Variants in FAM193A observed in about 807,000 individuals in gnomAD.
FAM193A encodes the protein family with sequence similarity 193 member A.
In FAM193A, 22 loss-of-function variants were observed where a neutral mutation model predicts 126.5. The ratio of observed to expected loss-of-function variants is 0.17; its 90% confidence interval spans 0.12 to 0.25. FAM193A has a LOEUF of 0.25. Ranked by LOEUF, FAM193A falls within the 10% of genes least tolerant of loss-of-function variation. The pLI is 1.00. For missense variants in FAM193A, 1,675 were observed against 1,672.8 expected (o/e 1.00, Z -0.02); for synonymous variants, 761 against 646.8 (o/e 1.18, Z -2.68).
intron 6 of FAM193A, 48 bp downstream of exon 6, chr4:2,639,907 C>T (rs370403432): frequency 6.3e-7 from 1 of 1,581,998 alleles, no homozygotes; most frequent in Non-Finnish European, 8.6e-7. Flanking sequence ...ACAGCACAGT[C>T]TTTTCTCCTG....
intron 19 of FAM193A, among the ~76,000 whole-genome samples, chr4:2,710,384 A>G (rs1337562173): frequency 6.6e-6 from 1 of 152,078 alleles, no homozygotes; most frequent in Non-Finnish European, 1.5e-5. Flanking sequence ...CATGTTAGCC[A>G]GGATGGTCTC....
At chr4:2,544,643 G>A (rs1166596320) in intron 1 of FAM193A, among the ~76,000 whole-genome samples, 3 of 152,092 alleles carry the variant, frequency 2.0e-5, no homozygotes, top group Non-Finnish European at 2.9e-5. Context: ...GGCAGAGGTT[G>A]CAGTGAGCCC....
chr4:2,702,077 G>A (rs1717798646), intron 19 of FAM193A, among the ~76,000 whole-genome samples: 1 of 152,046 alleles, frequency 6.6e-6, no homozygotes, highest in South Asian at 2.1e-4. Context: ...TGGCCCAAAT[G>A]GTGAATTTTC....
chr4:2,615,293 TTTTA>T lies in FAM193A; in HGVS notation c.502-9965_502-9962del, dbSNP rs201461756. On this transcript the variant is annotated intron_variant, in intron 2 of 20. Transcript: ENST00000637812. ...TTTCTTAAGGTGGAAGTTTACATCATTTTATTTGAGACCTTTCTTCTTTTCTAAT... is the reference window on the plus strand; with the variant it reads ...TTTCTTAAGGTGGAAGTTTACATCATTTTGAGACCTTTCTTCTTTTCTAAT... 2.0e-5 allele frequency: 3 copies of T among 152,212 alleles called. No individual in the cohort carries two copies. The East Asian group carries it at 5.8e-4, about 29-fold the overall frequency. 9.4% of individuals were successfully genotyped at this position (152,212 alleles called of 1,614,324 possible).
chr4:2,607,560 A>G (rs1315983525), intron 2 of FAM193A, among the ~76,000 whole-genome samples: 1 of 152,210 alleles, frequency 6.6e-6, no homozygotes, highest in East Asian at 1.9e-4. Context: ...CTGCTGATAC[A>G]TATTTAACAT....
At chr4:2,708,095 A>G in intron 19 of FAM193A, 1 of 438,496 alleles carries the variant, frequency 2.3e-6, no homozygotes, top group Non-Finnish European at 4.6e-6. Flanking sequence ...CTGGTTATTT[A>G]TTTGTGTATG....
At chr4:2,635,508 C>T (rs771449330) in intron 5 of FAM193A, among the ~76,000 whole-genome samples, 2 of 152,198 alleles carry the variant, frequency 1.3e-5, no homozygotes, top group South Asian at 4.2e-4. Flanking sequence ...TACACTTTTA[C>T]ATTAGATAAT....
chr4:2,669,259 A>G (rs2109147482), intron 12 of FAM193A, among the ~76,000 whole-genome samples: 1 of 152,280 alleles, frequency 6.6e-6, no homozygotes, highest in African/African-American at 2.4e-5. Flanking sequence ...AATATGTCTT[A>G]CAGGACCAGT....
chr4:2,674,954 T>G (rs985838099), intron 13 of FAM193A, among the ~76,000 whole-genome samples: 4 of 152,204 alleles, frequency 2.6e-5, no homozygotes, highest in Non-Finnish European at 5.9e-5. Context: ...ATTTGAAAGT[T>G]CAAAGTATTG....
intron 2 of FAM193A, among the ~76,000 whole-genome samples, chr4:2,603,506 G>T (rs970517792): frequency 9.5e-4 from 138 of 145,536 alleles, no homozygotes; most frequent in Admixed American, 2.1e-4. Context: ...ACCCAGGCTG[G>T]AGTGCAGTGG....
At chr4:2,638,346 CTTA>C (rs1171123032) in intron 5 of FAM193A, among the ~76,000 whole-genome samples, 9 of 152,200 alleles carry the variant, frequency 5.9e-5, no homozygotes, top group African/African-American at 2.2e-4. Flanking sequence ...ATTTCACCTG[CTTA>C]TTATTACAAG....
chr4:2,599,667 A>G (rs889027668), intron 2 of FAM193A, among the ~76,000 whole-genome samples: 5 of 151,716 alleles, frequency 3.3e-5, no homozygotes, highest in African/African-American at 1.2e-4. Context: ...AACCTAAGAA[A>G]TCTCCATTTC....
At chr4:2,608,149 A>T in intron 2 of FAM193A, 1 of 1,584,760 alleles carries the variant, frequency 6.3e-7, no homozygotes, top group Non-Finnish European at 8.6e-7. Context: ...ACCTGAAAAT[A>T]AAAAAATAAA....
intron 1 of FAM193A, among the ~76,000 whole-genome samples, chr4:2,590,077 A>G (rs555931300): frequency 1.0e-4 from 15 of 148,824 alleles, no homozygotes; most frequent in East Asian, 2.0e-4. Context: ...GGAGGTTGCA[A>G]TGAGCTGAGA....
intron 19 of FAM193A, among the ~76,000 whole-genome samples, chr4:2,712,710 C>T (rs774735530): frequency 2.0e-5 from 3 of 151,918 alleles, no homozygotes; most frequent in Non-Finnish European, 4.4e-5. Context: ...TGGTCTCAAC[C>T]CTGTCATTAT....
At chr4:2,721,461 C>T (rs35686387) in intron 20 of FAM193A, among the ~76,000 whole-genome samples, 35 of 152,196 alleles carry the variant, frequency 2.3e-4, no homozygotes, top group African/African-American at 8.4e-4. Flanking sequence ...TCACTCCAGC[C>T]TAAGCAATAG....
chr4:2,675,930 C>T (rs1352731628), intron 13 of FAM193A, among the ~76,000 whole-genome samples: 1 of 152,150 alleles, frequency 6.6e-6, no homozygotes, highest in African/African-American at 2.4e-5. Flanking sequence ...AGCATAATGT[C>T]CTCAGCGTTT....
At chr4:2,556,800 A>G (rs1429792238) in intron 1 of FAM193A, among the ~76,000 whole-genome samples, 9 of 152,220 alleles carry the variant, frequency 5.9e-5, no homozygotes. Context: ...ACGTAAGTTA[A>G]TAGAGGGTGA....
chr4:2,536,673 TTGGACTCTAACTC>T lies in FAM193A; in HGVS notation c.-239_-227del, dbSNP rs1736889954. On this transcript the variant is annotated 5_prime_UTR_variant, in exon 1 of 21. Coordinates refer to ENST00000637812, the MANE Select transcript of FAM193A (RefSeq NM_001366318.2). ...TCCCTTTCCCCTTGTGTCCGCCATA[TTGGACTCTAACTC>T]TGGTCAGCCGCGGCGCCGGGACTGT... 6.9e-6 allele frequency: 1 copy of T among 145,446 alleles called. No individual in the cohort carries two copies. Among genetic ancestry groups the T allele is most frequent in the Admixed American group, 6.9e-5 (1 of 14,578 alleles). The allele number at this position is 145,446 out of a possible 1,614,324, so 9.0% of individuals were successfully genotyped here. A position where few individuals can be genotyped will look rare whatever the true frequency, so the allele number is the denominator to read the frequency against.
Sources: allele counts gnomAD v4.1 joint callset (sites outside exome capture counted in the v4.1 genomes callset), GRCh38; gene constraint gnomAD v4.1.1; transcripts MANE v1.5; gene names NCBI Gene and HGNC (gene_info 2026-07-23, HGNC 2026-07-21).